UNC5D: variants seen among roughly 807,000 people sequenced by gnomAD.
UNC5D encodes unc-5 netrin receptor D, also known as netrin receptor UNC5D.
In UNC5D, 39 loss-of-function variants were observed where a neutral mutation model predicts 105.4. The observed-to-expected ratio is 0.37, with a 90% CI of 0.29 to 0.48. UNC5D has a LOEUF of 0.48. UNC5D is among the 20% of genes least tolerant of loss of function. The pLI is 0.98. For synonymous variants in UNC5D, 452 were observed against 450.4 expected, an observed-to-expected ratio of 1.00 and a Z score of -0.04; for missense variants, 991 against 1,202.4, an observed-to-expected ratio of 0.82 and a Z score of 2.60.
chr8:35,334,598 C>T (rs1460998162), intron 1 of UNC5D, among the ~76,000 whole-genome samples: 6 of 152,104 alleles, frequency 3.9e-5, no homozygotes, highest in East Asian at 1.9e-4. Context: ...CTGCAACCTC[C>T]GTCTCCCAGA....
intron 3 of UNC5D, among the ~76,000 whole-genome samples, chr8:35,592,935 T>C (rs1819260082): frequency 6.6e-6 from 1 of 151,998 alleles, no homozygotes; most frequent in Admixed American, 6.6e-5. Flanking sequence ...GCAGGTTGGA[T>C]TGGCCTTTTC....
intron 4 of UNC5D, among the ~76,000 whole-genome samples, chr8:35,608,453 A>C (rs906578886): frequency 6.6e-6 from 1 of 152,210 alleles, no homozygotes; most frequent in African/African-American, 2.4e-5. Context: ...TATGGGGTGC[A>C]AGTATAATTT....
intron 1 of UNC5D, among the ~76,000 whole-genome samples, chr8:35,263,074 A>G (rs139901803): frequency 5.5e-4 from 84 of 152,288 alleles, no homozygotes; most frequent in African/African-American, 2.0e-3. Flanking sequence ...ACCACAAAAC[A>G]TATCATGAAC....
At chr8:35,751,818 G>A (rs1172811401) in intron 13 of UNC5D, among the ~76,000 whole-genome samples, 1 of 152,152 alleles carries the variant, frequency 6.6e-6, no homozygotes, top group East Asian at 1.9e-4. Flanking sequence ...AACATAATCA[G>A]AATTCAACAA....
In UNC5D at chr8:35,674,358, A is replaced by T. The variant is rs117942034; in HGVS notation, c.571-9189A>T. 2.3e-3 allele frequency among the ~76,000 whole-genome samples: 356 copies of T among 152,254 alleles called. 10 individuals are homozygous for T. The East Asian group carries it at 0.053, about 23-fold the overall frequency. On this transcript the variant is annotated intron_variant, in intron 4 of 16. Transcript: ENST00000404895. Reference sequence around the variant, plus strand: ...AAGCAAGACTTAAATTTGGAATCAAATTATGTCTATATATGTTTATGTGTA... The same window carrying T: ...AAGCAAGACTTAAATTTGGAATCAATTTATGTCTATATATGTTTATGTGTA...
At chr8:35,675,671 G>T (rs1825162562) in intron 4 of UNC5D, among the ~76,000 whole-genome samples, 1 of 152,058 alleles carries the variant, frequency 6.6e-6, no homozygotes, top group African/African-American at 2.4e-5. Context: ...GGTTGGTCCA[G>T]TCTAGAATTC....
intron 1 of UNC5D, among the ~76,000 whole-genome samples, chr8:35,271,712 T>G (rs927605894): frequency 1.7e-4 from 8 of 46,900 alleles, no homozygotes; most frequent in African/African-American, 6.0e-4. Flanking sequence ...TACATATATA[T>G]TTATACATGT....
At position 35,793,346 on chromosome 8, in the gene UNC5D, G is replaced by A. The variant is rs763070577; in HGVS notation, c.*2783G>A. ...AGTTATTCACTGTGACCTAAATTTA[G>A]TCCTATTGTAATATGTGCCTGTCAC... is the stretch of plus-strand genomic sequence containing the variant. On this transcript the variant is annotated 3_prime_UTR_variant, in exon 17 of 17. Transcript: ENST00000404895. 10 of 282,468 alleles carry A rather than the reference G, an allele frequency of 3.5e-5. No homozygotes were observed. The highest frequency in any genetic ancestry group is 5.6e-5 in the Non-Finnish European group (8 of 141,912). The allele number at this position is 282,468 out of a possible 1,614,324, so 17.5% of individuals were successfully genotyped here.
chr8:35,304,900 G>A (rs1294485804), intron 1 of UNC5D, among the ~76,000 whole-genome samples: 5 of 151,990 alleles, frequency 3.3e-5, no homozygotes, highest in African/African-American at 9.7e-5. Context: ...CCTGGAAGTC[G>A]TGCTGTTGTA....
At chr8:35,773,243 T>G (rs920868401) in intron 15 of UNC5D, among the ~76,000 whole-genome samples, 1 of 152,198 alleles carries the variant, frequency 6.6e-6, no homozygotes, top group Non-Finnish European at 1.5e-5. Context: ...TGTGATTTCA[T>G]GTTGGATATA....
intron 1 of UNC5D, among the ~76,000 whole-genome samples, chr8:35,359,394 A>AC (rs1801736062): frequency 6.6e-6 from 1 of 152,026 alleles, no homozygotes; most frequent in African/African-American, 2.4e-5. Flanking sequence ...TGACTTCATC[A>AC]CCCCTTTAGA....
intron 4 of UNC5D, among the ~76,000 whole-genome samples, chr8:35,598,171 A>G (rs1586213155): frequency 1.3e-5 from 2 of 151,324 alleles, no homozygotes; most frequent in African/African-American, 2.4e-5. Context: ...TGCTTCCCCC[A>G]CTCCACCTTT....
chr8:35,472,762 G>C (rs939247303), intron 1 of UNC5D, among the ~76,000 whole-genome samples: 2 of 152,182 alleles, frequency 1.3e-5, no homozygotes, highest in Non-Finnish European at 2.9e-5. Flanking sequence ...GTATTTAGTT[G>C]CCAGGATGAA....
chr8:35,734,639 A>T (rs1829368599), intron 11 of UNC5D, among the ~76,000 whole-genome samples: 1 of 152,004 alleles, frequency 6.6e-6, no homozygotes, highest in Non-Finnish European at 1.5e-5. Context: ...TGAACTCCCG[A>T]CCTCAGGTGA....
intron 1 of UNC5D, among the ~76,000 whole-genome samples, chr8:35,260,147 A>G (rs2950905): frequency 0.36 from 54,390 of 152,008 alleles, 10,694 homozygotes; most frequent in Non-Finnish European, 0.43. Context: ...TCAGAGTGAC[A>G]GGTATAGTTA....
intron 1 of UNC5D, among the ~76,000 whole-genome samples, chr8:35,258,481 T>A (rs1455828129): frequency 6.6e-6 from 1 of 152,302 alleles, no homozygotes; most frequent in East Asian, 1.9e-4. Context: ...TTATGAGCTG[T>A]GTGTCCTTAG....
At chr8:35,524,791 C>T (rs1303534655) in intron 1 of UNC5D, among the ~76,000 whole-genome samples, 3 of 149,672 alleles carry the variant, frequency 2.0e-5, no homozygotes, top group Non-Finnish European at 4.5e-5. Flanking sequence ...AAGTTTCTTT[C>T]AATCATTCAG....
At chr8:35,563,327 T>A (rs537004940) in intron 2 of UNC5D, among the ~76,000 whole-genome samples, 2 of 135,540 alleles carry the variant, frequency 1.5e-5, no homozygotes. Flanking sequence ...TCTATGTCTT[T>A]GGTTAAGTTC....
At chr8:35,318,017 T>C (rs1000577758) in intron 1 of UNC5D, among the ~76,000 whole-genome samples, 1 of 152,066 alleles carries the variant, frequency 6.6e-6, no homozygotes, top group African/African-American at 2.4e-5. Context: ...ATGTGTTAAT[T>C]CTTTTTCAAG....
Sources: allele counts gnomAD v4.1 joint callset (sites outside exome capture counted in the v4.1 genomes callset), GRCh38; gene constraint gnomAD v4.1.1; transcripts MANE v1.5; gene names NCBI Gene and HGNC (gene_info 2026-07-23, HGNC 2026-07-21).